Variants in ABCG1 observed in about 807,000 individuals in gnomAD.
ABCG1 encodes the protein ATP binding cassette subfamily G member 1, also known as ATP-binding cassette sub-family G member 1.
A neutral mutation model predicts 69.2 loss-of-function variants in ABCG1; 29 were observed. The observed-to-expected ratio is 0.42, with a 90% CI of 0.31 to 0.57. The LOEUF (loss-of-function observed/expected upper bound fraction) is 0.57. ABCG1 is among the 20% of genes least tolerant of loss of function. ABCG1 has a pLI of 0.15. For missense variants in ABCG1, 718 were observed against 898.1 expected (o/e 0.80, Z 2.56); for synonymous variants, 370 against 374.8 (o/e 0.99, Z 0.15).
chr21:42,296,995 T>C lies in ABCG1; in HGVS notation c.*603T>C, dbSNP rs1187303911. 6.3e-6 allele frequency: 1 copy of C among 158,168 alleles called. No individual in the cohort carries two copies. The highest frequency in any genetic ancestry group is 1.4e-5 in the Non-Finnish European group (1 of 70,904). 9.8% of individuals were successfully genotyped at this position (158,168 alleles called of 1,614,324 possible). A position where few individuals can be genotyped will look rare whatever the true frequency, so the allele number is the denominator to read the frequency against. On this transcript the variant is annotated 3_prime_UTR_variant, in exon 15 of 15. Coordinates refer to ENST00000398449, the MANE Select transcript of ABCG1 (RefSeq NM_016818.3). This position sits in a 1 kb window ranked among gnomAD's most constrained non-coding sequence, Gnocchi z 5.4. ...GAAGAATGATTCAGGGTAAATCACA[T>C]ACTTTGTTTAGAGAGGCGAGGGGTT...
At chr21:42,244,496 T>G (rs780542998) in intron 2 of ABCG1, among the ~76,000 whole-genome samples, 20 of 152,212 alleles carry the variant, frequency 1.3e-4, no homozygotes, top group Non-Finnish European at 2.5e-4. Flanking sequence ...CTTCAAAAGC[T>G]TCTCTTCTGC....
rs556289311 is a variant in ABCG1 at position 42,238,927 on chromosome 21, T to TTTGC, written c.286+13013_286+13014insTTGC. Among the ~76,000 whole-genome samples, 13 of 152,356 alleles carry TTTGC rather than the reference T, an allele frequency of 8.5e-5. No homozygotes were observed. The East Asian group carries it at 1.7e-3, about 20-fold the overall frequency. ...TTCTTGGATTTGCAAATATTTAATG[T>TTTGC]AAATCCATTAATGTTGTAGCTTTAT... On this transcript the variant is annotated intron_variant, in intron 2 of 14. Transcript: ENST00000398449.
Position 42,219,233 on chromosome 21 carries a change from C to T in ABCG1, c.-30C>T. The T allele has an allele frequency of 6.7e-7, 1 of 1,503,148 alleles. No individual in the cohort carries two copies. Among genetic ancestry groups the T allele is most frequent in the Non-Finnish European group, 8.9e-7 (1 of 1,128,840 alleles). 93.1% of individuals were successfully genotyped at this position (1,503,148 alleles called of 1,614,324 possible). A position where few individuals can be genotyped will look rare whatever the true frequency, so the allele number is the denominator to read the frequency against. On this transcript the variant is annotated 5_prime_UTR_variant, in exon 1 of 15. Coordinates refer to ENST00000398449, the MANE Select transcript of ABCG1 (RefSeq NM_016818.3). The surrounding 1 kb of genome is among the most constrained non-coding windows in gnomAD (Gnocchi z 5.3). ...GCTCAAGCCTCGTCCCCGCCGCCGCCGCCGCCGCCGCCGCCGCCGCCCCCG... is the reference window on the plus strand; with the variant it reads ...GCTCAAGCCTCGTCCCCGCCGCCGCTGCCGCCGCCGCCGCCGCCGCCCCCG...
At chr21:42,246,453 T>C (rs1324421861) in intron 2 of ABCG1, among the ~76,000 whole-genome samples, 1 of 152,250 alleles carries the variant, frequency 6.6e-6, no homozygotes, top group Non-Finnish European at 1.5e-5. Flanking sequence ...TTTGCTCTGA[T>C]GGCTAAAAGA....
chr21:42,287,840 G>T lies in ABCG1; in HGVS notation c.974-49G>T. 6 of 1,507,876 alleles carry T rather than the reference G, an allele frequency of 4.0e-6. No homozygotes were observed. Among genetic ancestry groups the T allele is most frequent in the Middle Eastern group, 1.8e-4 (1 of 5,528 alleles). The allele number at this position is 1,507,876 out of a possible 1,614,324, so 93.4% of individuals were successfully genotyped here. The stretch of plus-strand genomic sequence containing the variant: ...AACGACTTTCGCATTTGGGTGGTTG[G>T]GGTGTCCTTCCTGGAGCCCGGGCTG... On this transcript the variant is annotated intron_variant, in intron 8 of 14. Transcript: ENST00000398449. The surrounding 1 kb of genome is among the most constrained non-coding windows in gnomAD (Gnocchi z 6.2).
intron 2 of ABCG1, among the ~76,000 whole-genome samples, chr21:42,261,625 G>A (rs1473474673): frequency 2.0e-5 from 3 of 152,152 alleles, no homozygotes; most frequent in East Asian, 1.9e-4. Flanking sequence ...GCATTGCCTC[G>A]CTCTGGCTTG....
chr21:42,283,314 C>A (rs577219649), intron 6 of ABCG1, among the ~76,000 whole-genome samples: 1 of 152,314 alleles, frequency 6.6e-6, no homozygotes, highest in East Asian at 1.9e-4. Context: ...ACAATGAACC[C>A]TTGAATAGCA....
intron 2 of ABCG1, among the ~76,000 whole-genome samples, chr21:42,235,293 G>A (rs1408691860): frequency 6.6e-6 from 1 of 152,244 alleles, no homozygotes; most frequent in East Asian, 1.9e-4. Flanking sequence ...TGTCCGCAGG[G>A]GAACGGCCCG....
intron 2 of ABCG1, among the ~76,000 whole-genome samples, chr21:42,243,814 CT>C (rs11402831): frequency 0.078 from 7,324 of 93,878 alleles, 38 homozygotes; most frequent in African/African-American, 0.14. Flanking sequence ...TTATCTTTGG[CT>C]TTTTTTTTTT....
upstream of ABCG1, among the ~76,000 whole-genome samples, chr21:42,212,895 A>T (rs186471639): frequency 1.6e-4 from 25 of 152,038 alleles, no homozygotes; most frequent in Non-Finnish European, 2.9e-4. Flanking sequence ...GGGTTTCACC[A>T]TGTTAGCCAG....
intron 2 of ABCG1, chr21:42,259,967 C>G (rs1472282679): frequency 1.3e-6 from 2 of 1,498,696 alleles, no homozygotes; most frequent in Non-Finnish European, 1.8e-6. Context: ...TTGCTCTTCC[C>G]CTTCCCTCCT....
upstream of ABCG1, among the ~76,000 whole-genome samples, chr21:42,215,897 G>C (rs1045679292): frequency 5.9e-5 from 9 of 152,206 alleles, no homozygotes; most frequent in African/African-American, 2.2e-4. Context: ...AATGGAGTGG[G>C]TTGCCAGTTG....
rs372699675 is a variant in ABCG1, at chr21:42,276,113, A to T, written c.538-782A>T. Among the ~76,000 whole-genome samples the T allele has an allele frequency of 1.3e-5, 2 of 151,878 alleles. No individual in the cohort carries two copies. The highest frequency in any genetic ancestry group is 1.9e-4 in the East Asian group (1 of 5,156). On this transcript the variant is annotated intron_variant, in intron 4 of 14. Transcript: ENST00000398449. The surrounding 1 kb of genome is among the most constrained non-coding windows in gnomAD (Gnocchi z 5.3). ...CACCATTGTGCCAGTGAGGAAATGG[A>T]GGTTGCACGTTTGCCCAAGGCCACG...
At chr21:42,212,936 G>A (rs540347018), upstream of ABCG1, among the ~76,000 whole-genome samples, 13 of 152,190 alleles carry the variant, frequency 8.5e-5, no homozygotes, top group African/African-American at 1.7e-4. Context: ...CTCGTGATCC[G>A]CCCGCCTTGG....
intron 2 of ABCG1, among the ~76,000 whole-genome samples, chr21:42,252,692 C>G (rs1429138501): frequency 2.6e-5 from 4 of 152,132 alleles, no homozygotes; most frequent in African/African-American, 9.7e-5. Context: ...ACAAGGGGCA[C>G]CTTCCTGGCC....
chr21:42,296,624 G>GGTT lies in ABCG1; in HGVS notation c.*232_*233insGTT. 4.6e-6 allele frequency: 2 copies of GGTT among 433,914 alleles called. No individual in the cohort carries two copies. Among genetic ancestry groups the GGTT allele is most frequent in the South Asian group, 5.5e-5 (2 of 36,074 alleles). 26.9% of individuals were successfully genotyped at this position (433,914 alleles called of 1,614,324 possible). A position where few individuals can be genotyped will look rare whatever the true frequency, so the allele number is the denominator to read the frequency against. ...CTAGGAAGATGTAGGCAGATTGGTG[G>GGTT]TTTTTTTTTTTTTAACATACAGAAT... On this transcript the variant is annotated 3_prime_UTR_variant, in exon 15 of 15. Transcript: ENST00000398449. This position sits in a 1 kb window ranked among gnomAD's most constrained non-coding sequence, Gnocchi z 5.4.
intron 6 of ABCG1, among the ~76,000 whole-genome samples, chr21:42,283,242 T>G (rs952594456): frequency 3.3e-5 from 5 of 152,216 alleles, no homozygotes; most frequent in African/African-American, 1.2e-4. Context: ...ACTTGTTTCC[T>G]TCTCTTGGGC....
chr21:42,271,238 C>T, intron 3 of ABCG1, 51 bp downstream of exon 3: 1 of 1,173,356 alleles, frequency 8.5e-7, no homozygotes, highest in African/African-American at 1.6e-5. Flanking sequence ...GTCAGGCCAG[C>T]AGTGGGAACA....
intron 3 of ABCG1, among the ~76,000 whole-genome samples, chr21:42,271,604 G>A (rs749961227): frequency 1.2e-3 from 181 of 152,308 alleles, no homozygotes; most frequent in Middle Eastern, 3.4e-3. Flanking sequence ...AGTTTGAGCC[G>A]GGTGTGGTGG....
Sources: allele counts gnomAD v4.1 joint callset (sites outside exome capture counted in the v4.1 genomes callset), GRCh38; gene constraint gnomAD v4.1.1; non-coding constraint Gnocchi (gnomAD v3.1); transcripts MANE v1.5; gene names NCBI Gene and HGNC (gene_info 2026-07-23, HGNC 2026-07-21).